The following SLC41A2 variants were observed in gnomAD, a reference collection of about 807,000 sequenced individuals.
SLC41A2 encodes the protein SLC41A1-like 1.
Under a neutral mutation model 58.3 loss-of-function variants are expected in SLC41A2, and 32 were observed. The observed-to-expected ratio is 0.55, with a 90% CI of 0.41 to 0.74. The LOEUF (loss-of-function observed/expected upper bound fraction) is 0.74. Ranked by LOEUF, SLC41A2 falls within the 30% of genes least tolerant of loss-of-function variation. The pLI is 0.00. For missense variants in SLC41A2, 514 were observed against 680.6 expected, an observed-to-expected ratio of 0.76 and a Z score of 2.72; for synonymous variants, 190 against 235.0, an observed-to-expected ratio of 0.81 and a Z score of 1.75.
intron 1 of SLC41A2, among the ~76,000 whole-genome samples, chr12:104,934,892 G>A (rs182031204): frequency 5.1e-4 from 78 of 152,248 alleles, no homozygotes; most frequent in African/African-American, 1.8e-3. Context: ...AATGGGGAAA[G>A]GAAAGTTGTT....
At chr12:104,911,588 C>G (rs188820910) in intron 2 of SLC41A2, among the ~76,000 whole-genome samples, 1 of 152,114 alleles carries the variant, frequency 6.6e-6, no homozygotes, top group Non-Finnish European at 1.5e-5. Context: ...AATACCAAGA[C>G]AGATGAGAAA....
chr12:104,942,131 C>T (rs180918385), intron 1 of SLC41A2, among the ~76,000 whole-genome samples: 1 of 152,070 alleles, frequency 6.6e-6, no homozygotes, highest in Non-Finnish European at 1.5e-5. Flanking sequence ...TTAAACATTT[C>T]TTACATGTAT....
intron 2 of SLC41A2, among the ~76,000 whole-genome samples, chr12:104,925,325 G>C (rs1381985790): frequency 6.6e-6 from 1 of 152,174 alleles, no homozygotes; most frequent in East Asian, 1.9e-4. Flanking sequence ...TTGGGAGGCC[G>C]AGACAGGCGG....
chr12:104,926,929 A>C (rs2249941), intron 2 of SLC41A2, among the ~76,000 whole-genome samples: 1 of 150,944 alleles, frequency 6.6e-6, no homozygotes, highest in Non-Finnish European at 1.5e-5. Context: ...CTAAAAAAAA[A>C]TTTTTTTTAA....
chr12:104,856,066 C>A (rs1454149220), intron 8 of SLC41A2, among the ~76,000 whole-genome samples: 1 of 152,198 alleles, frequency 6.6e-6, no homozygotes, highest in African/African-American at 2.4e-5. Context: ...TACCTCCGAG[C>A]TGCTGATTCA....
intron 3 of SLC41A2, among the ~76,000 whole-genome samples, chr12:104,904,996 AC>A (rs1354378841): frequency 6.6e-6 from 1 of 151,992 alleles, no homozygotes; most frequent in African/African-American, 2.4e-5. Flanking sequence ...CCCACCCACA[AC>A]CTGCTGATTG....
chr12:104,880,711 G>A (rs887596675), intron 6 of SLC41A2, among the ~76,000 whole-genome samples: 1 of 152,146 alleles, frequency 6.6e-6, no homozygotes, highest in Non-Finnish European at 1.5e-5. Context: ...TGCTGGATTC[G>A]TTTTGCCAGT....
intron 10 of SLC41A2, among the ~76,000 whole-genome samples, chr12:104,820,942 G>A (rs750714758): frequency 4.0e-5 from 6 of 148,396 alleles, no homozygotes; most frequent in African/African-American, 7.9e-5. Flanking sequence ...ACTGTGCCCC[G>A]CCTAATGCAG....
At chr12:104,808,574 G>C (rs941000610) in intron 10 of SLC41A2, among the ~76,000 whole-genome samples, 9 of 152,020 alleles carry the variant, frequency 5.9e-5, no homozygotes, top group Admixed American at 3.9e-4. Flanking sequence ...GGATGATGCT[G>C]GCCTCATAAA....
upstream of SLC41A2, chr12:104,958,303 G>C (rs1191314675): frequency 4.0e-5 from 6 of 149,312 alleles, no homozygotes; most frequent in Admixed American, 1.3e-4. Context: ...CCCGGCCGTC[G>C]GCGCCCGCGG....
intron 2 of SLC41A2, among the ~76,000 whole-genome samples, chr12:104,920,597 G>C (rs1313882375): frequency 6.6e-6 from 1 of 151,976 alleles, no homozygotes; most frequent in African/African-American, 2.4e-5. Flanking sequence ...GCACAACAAA[G>C]CAAGACCCTG....
At chr12:104,928,809 C>T (rs761484114) in intron 1 of SLC41A2, 115 bp from the exon 2 acceptor site, 2 of 241,628 alleles carry the variant, frequency 8.3e-6, no homozygotes, top group Admixed American at 5.0e-5. Flanking sequence ...ACCAACCCTA[C>T]GGTACTGATA....
intron 2 of SLC41A2, among the ~76,000 whole-genome samples, chr12:104,914,626 T>C (rs1028327058): frequency 6.6e-6 from 1 of 152,206 alleles, no homozygotes; most frequent in Non-Finnish European, 1.5e-5. Flanking sequence ...TGGAGTGTCT[T>C]GACACACAAC....
chr12:104,839,534 C>T (rs1357528564), intron 10 of SLC41A2, among the ~76,000 whole-genome samples: 1 of 147,588 alleles, frequency 6.8e-6, no homozygotes, highest in East Asian at 2.0e-4. Context: ...GATGGAGTCT[C>T]GCTCTGTCAC....
At chr12:104,918,098 G>T (rs1004968471) in intron 2 of SLC41A2, among the ~76,000 whole-genome samples, 1 of 151,432 alleles carries the variant, frequency 6.6e-6, no homozygotes, top group African/African-American at 2.4e-5. Context: ...ATGAAAAGGT[G>T]AAAAGTTTTC....
intron 6 of SLC41A2, among the ~76,000 whole-genome samples, chr12:104,874,656 T>C (rs1179153642): frequency 6.6e-6 from 1 of 152,188 alleles, no homozygotes; most frequent in East Asian, 1.9e-4. Context: ...TTAAAAATTA[T>C]TTGACTGTAT....
In SLC41A2 at chr12:104,850,780, A is replaced by C. The variant is rs532003931; in HGVS notation, c.1256-4806T>G. ...ACAAAATTCATTAAAGCAAATGCTT[A>C]AGATAATTTAAAATGCAGTTCATCA... is the stretch of plus-strand genomic sequence containing the variant. On this transcript the variant is annotated intron_variant, in intron 8 of 10. Coordinates refer to ENST00000258538, the MANE Select transcript of SLC41A2 (RefSeq NM_001352171.3). 8.5e-5 allele frequency among the ~76,000 whole-genome samples: 13 copies of C among 152,380 alleles called. No individual in the cohort carries two copies. The South Asian group carries it at 2.7e-3, about 32-fold the overall frequency.
chr12:104,862,540 G>A (rs1198202004), intron 7 of SLC41A2, among the ~76,000 whole-genome samples: 3 of 151,962 alleles, frequency 2.0e-5, no homozygotes, highest in Non-Finnish European at 4.4e-5. Flanking sequence ...AGTTACTATA[G>A]AAAAAATTAG....
rs2040771048 is a variant in SLC41A2, at chr12:104,803,549, G to A, written c.*1603C>T. 4 of 151,984 alleles carry A rather than the reference G, an allele frequency of 2.6e-5. No homozygotes were observed. The highest frequency in any genetic ancestry group is 2.6e-4 in the Admixed American group (4 of 15,244). The allele number at this position is 151,984 out of a possible 1,614,324, so 9.4% of individuals were successfully genotyped here. On this transcript the variant is annotated 3_prime_UTR_variant, in exon 11 of 11. Coordinates refer to ENST00000258538, the MANE Select transcript of SLC41A2 (RefSeq NM_001352171.3). ...CCTAATATTTATATAATAACACAAA[G>A]TTACAACTTAAATCATGATGATCAA...
Sources: allele counts gnomAD v4.1 joint callset (sites outside exome capture counted in the v4.1 genomes callset), GRCh38; gene constraint gnomAD v4.1.1; transcripts MANE v1.5; gene names NCBI Gene and HGNC (gene_info 2026-07-23, HGNC 2026-07-21).